The following INPP4B variants were observed in gnomAD, a reference collection of about 807,000 sequenced individuals.
The protein encoded by INPP4B is inositol polyphosphate 4-phosphatase type II.
Under a neutral mutation model 122.5 loss-of-function variants are expected in INPP4B, and 55 were observed. The observed-to-expected ratio is 0.45, with a 90% confidence interval of 0.36 to 0.56. The LOEUF (loss-of-function observed/expected upper bound fraction) is 0.56. Among genes scored for constraint, INPP4B ranks in the 20% least tolerant of loss-of-function variants. The pLI is 0.00. For synonymous variants in INPP4B, 403 were observed against 388.7 expected, an observed-to-expected ratio of 1.04 and a Z score of -0.43; for missense variants, 1,000 against 1,097.7, an observed-to-expected ratio of 0.91 and a Z score of 1.26.
chr4:142,555,655 T>C (rs1728988599), intron 2 of INPP4B, among the ~76,000 whole-genome samples: 3 of 151,954 alleles, frequency 2.0e-5, no homozygotes, highest in Admixed American at 2.0e-4. Flanking sequence ...GATCACGAGA[T>C]TAGGAGATTG....
intron 1 of INPP4B, among the ~76,000 whole-genome samples, chr4:142,835,212 T>C (rs1782634334): frequency 6.6e-6 from 1 of 152,142 alleles, no homozygotes; most frequent in Admixed American, 6.5e-5. Flanking sequence ...TAAGTAGGCC[T>C]GAAGATGCCT....
chr4:142,155,969 G>A (rs1362334450), intron 17 of INPP4B, among the ~76,000 whole-genome samples: 1 of 147,236 alleles, frequency 6.8e-6, no homozygotes, highest in African/African-American at 2.5e-5. Context: ...TTGTGTTTAT[G>A]TAACATAAAC....
intron 2 of INPP4B, among the ~76,000 whole-genome samples, chr4:142,625,306 A>G (rs1305767897): frequency 2.0e-5 from 3 of 152,222 alleles, no homozygotes; most frequent in East Asian, 1.9e-4. Context: ...AAATCAATGT[A>G]CAAAAATCAC....
intron 23 of INPP4B, 80 bp from the exon 24 acceptor site, chr4:142,086,336 A>G (rs771907725): frequency 2.2e-4 from 166 of 769,560 alleles, no homozygotes; most frequent in Non-Finnish European, 3.0e-4. Context: ...TTTTCAATAC[A>G]TTTATTTGCA....
At chr4:142,078,037 C>A (rs1333993325) in intron 25 of INPP4B, among the ~76,000 whole-genome samples, 1 of 151,726 alleles carries the variant, frequency 6.6e-6, no homozygotes, top group African/African-American at 2.4e-5. Flanking sequence ...TACAGGCAAC[C>A]ACTAAGAGAT....
intron 2 of INPP4B, among the ~76,000 whole-genome samples, chr4:142,528,126 G>T (rs141758422): frequency 2.0e-5 from 3 of 152,020 alleles, no homozygotes; most frequent in African/African-American, 7.2e-5. Flanking sequence ...TTGAAAGTAT[G>T]TATAAAGTAT....
chr4:142,498,118 T>C (rs958292265), intron 2 of INPP4B, among the ~76,000 whole-genome samples: 2 of 142,720 alleles, frequency 1.4e-5, no homozygotes, highest in Non-Finnish European at 3.0e-5. Context: ...TGTATATATA[T>C]ATACACACAC....
chr4:142,819,811 C>T (rs1472286863), intron 1 of INPP4B, among the ~76,000 whole-genome samples: 2 of 152,016 alleles, frequency 1.3e-5, no homozygotes, highest in Non-Finnish European at 2.9e-5. Flanking sequence ...GTTCATAGGG[C>T]TCATAGCCAA....
chr4:142,607,644 T>C (rs1247858998), intron 2 of INPP4B, among the ~76,000 whole-genome samples: 1 of 152,146 alleles, frequency 6.6e-6, no homozygotes, highest in Non-Finnish European at 1.5e-5. Context: ...ATTAATAATA[T>C]ATTAATGCTC....
intron 2 of INPP4B, among the ~76,000 whole-genome samples, chr4:142,498,941 A>G (rs1487712861): frequency 2.0e-5 from 3 of 152,228 alleles, no homozygotes; most frequent in Non-Finnish European, 4.4e-5. Context: ...GGAAGACACA[A>G]TTATGAGTTA....
At chr4:142,485,763 A>G (rs1821124161) in intron 2 of INPP4B, among the ~76,000 whole-genome samples, 1 of 152,166 alleles carries the variant, frequency 6.6e-6, no homozygotes, top group Admixed American at 6.5e-5. Flanking sequence ...TGAATTTACT[A>G]CTAGAACTGG....
chr4:142,186,130 A>C (rs1348950681), intron 15 of INPP4B, among the ~76,000 whole-genome samples: 5 of 152,170 alleles, frequency 3.3e-5, no homozygotes, highest in Non-Finnish European at 7.4e-5. Flanking sequence ...TAAGATTTAC[A>C]TGCACTAAAT....
At chr4:142,737,255 A>T (rs970959009) in intron 1 of INPP4B, among the ~76,000 whole-genome samples, 8 of 152,204 alleles carry the variant, frequency 5.3e-5, no homozygotes, top group African/African-American at 1.7e-4. Context: ...TACTGGTACC[A>T]AAACAGAGAT....
chr4:142,197,456 A>T (rs933079658), intron 14 of INPP4B, among the ~76,000 whole-genome samples: 5 of 152,108 alleles, frequency 3.3e-5, no homozygotes, highest in Non-Finnish European at 7.4e-5. Context: ...ATACTTCCAC[A>T]TTGCTTTGTC....
In INPP4B at chr4:142,152,554, G is replaced by A. The variant is rs145794265; in HGVS notation, c.1564-6558C>T. ...CCATCTTTTCCGACTGTCACATAACGACTCTGAAAATTTTGGGCGTTTTTA... is the reference window on the plus strand; with the variant it reads ...CCATCTTTTCCGACTGTCACATAACAACTCTGAAAATTTTGGGCGTTTTTA... On this transcript the variant is annotated intron_variant, in intron 17 of 25. Transcript: ENST00000262992. 8.3e-3 allele frequency among the ~76,000 whole-genome samples: 1,265 copies of A among 152,124 alleles called. 14 individuals are homozygous for A. Among genetic ancestry groups the A allele is most frequent in the Middle Eastern group, 0.024 (7 of 294 alleles).
At chr4:142,603,460 A>T (rs1258096742) in intron 2 of INPP4B, among the ~76,000 whole-genome samples, 3 of 152,114 alleles carry the variant, frequency 2.0e-5, no homozygotes, top group Non-Finnish European at 2.9e-5. Context: ...GATAAACAAA[A>T]TTTATAAAAT....
intron 1 of INPP4B, among the ~76,000 whole-genome samples, chr4:142,806,081 C>T (rs146298662): frequency 0.026 from 3,894 of 151,684 alleles, 168 homozygotes; most frequent in African/African-American, 0.088. Context: ...AGATTGAGAC[C>T]ATCCTGTCTA....
chr4:142,364,037 C>T (rs1228750375), intron 7 of INPP4B, among the ~76,000 whole-genome samples: 2 of 151,912 alleles, frequency 1.3e-5, no homozygotes, highest in East Asian at 3.9e-4. Flanking sequence ...TGGGAAGATT[C>T]TAGAAAAGCA....
At chr4:142,515,308 C>A (rs150019025) in intron 2 of INPP4B, among the ~76,000 whole-genome samples, 2 of 152,170 alleles carry the variant, frequency 1.3e-5, no homozygotes, top group Non-Finnish European at 2.9e-5. Flanking sequence ...CTGAAACCCA[C>A]TAACTCTTGG....
Sources: gnomAD v4.1 joint callset for allele counts (sites outside exome capture counted in the v4.1 genomes callset) on GRCh38, gnomAD v4.1.1 for gene constraint, MANE v1.5 for transcripts, NCBI Gene and HGNC (gene_info 2026-07-23, HGNC 2026-07-21) for gene names.